The following ZDHHC21 variants were observed in gnomAD, a reference collection of about 807,000 sequenced individuals.
The protein encoded by ZDHHC21 is zDHHC palmitoyltransferase 21.
Under a neutral mutation model 34.6 loss-of-function variants are expected in ZDHHC21, and 15 were observed. The ratio of observed to expected loss-of-function variants is 0.43; its 90% CI spans 0.29 to 0.67. The LOEUF is 0.67. Ranked by LOEUF, ZDHHC21 falls within the 30% of genes least tolerant of loss-of-function variation. The probability of loss-of-function intolerance (pLI) is 0.14; values close to 1 mark genes in which losing one functional copy is unlikely to be tolerated. For missense variants in ZDHHC21, 344 were observed against 327.7 expected (o/e 1.05, Z -0.38); for synonymous variants, 142 against 101.8 (o/e 1.40, Z -2.38).
chr9:14,626,352 G>A (rs1163690524), intron 8 of ZDHHC21, among the ~76,000 whole-genome samples: 1 of 151,866 alleles, frequency 6.6e-6, no homozygotes, highest in Non-Finnish European at 1.5e-5. Context: ...ATAATAAAAT[G>A]AATATCTAGG....
intron 7 of ZDHHC21, 137 bp from the exon 8 acceptor site, chr9:14,640,149 C>G (rs531541010): frequency 2.0e-6 from 1 of 489,416 alleles, no homozygotes; most frequent in East Asian, 2.9e-5. Flanking sequence ...TTTTATACTT[C>G]TATTGAAATC....
Position 14,613,643 on chromosome 9 carries a change from C to G in ZDHHC21, c.*5323G>C, listed in dbSNP as rs1272671503. ...TTGAACTGTTATAAGAACGACATTA[C>G]ATGTTACAGATATTCAAAATACCAA... On this transcript the variant is annotated 3_prime_UTR_variant, in exon 10 of 10. Coordinates refer to ENST00000380916, the MANE Select transcript of ZDHHC21 (RefSeq NM_178566.6). 1 of 151,790 alleles carries G rather than the reference C, an allele frequency of 6.6e-6. No individual in the cohort carries two copies. Among genetic ancestry groups the G allele is most frequent in the African/African-American group, 2.4e-5 (1 of 41,420 alleles). 9.4% of individuals were successfully genotyped at this position (151,790 alleles called of 1,614,324 possible).
Position 14,611,637 on chromosome 9 carries a change from C to T in ZDHHC21, c.*7329G>A, listed in dbSNP as rs902145270. 2.0e-5 allele frequency: 3 copies of T among 151,920 alleles called. No individual in the cohort carries two copies. Among genetic ancestry groups the T allele is most frequent in the African/African-American group, 7.3e-5 (3 of 41,378 alleles). The allele number at this position is 151,920 out of a possible 1,614,324, so 9.4% of individuals were successfully genotyped here. On this transcript the variant is annotated 3_prime_UTR_variant, in exon 10 of 10. Transcript: ENST00000380916. ...TACTAGACAGAACTTGGGGTTCACA[C>T]ATAATTTTAGGAGCCTCAAGAATAA...
chr9:14,664,143 C>G (rs201492106), intron 5 of ZDHHC21, among the ~76,000 whole-genome samples: 1 of 151,922 alleles, frequency 6.6e-6, no homozygotes, highest in Non-Finnish European at 1.5e-5. Context: ...CGCAGGCCAG[C>G]GGGTGCGCGC....
intron 7 of ZDHHC21, among the ~76,000 whole-genome samples, chr9:14,648,410 C>G (rs887429112): frequency 6.6e-6 from 1 of 151,964 alleles, no homozygotes; most frequent in African/African-American, 2.4e-5. Flanking sequence ...TTAATAAAGT[C>G]TCCAGTCCAA....
At chr9:14,664,843 T>C (rs1221818812) in intron 5 of ZDHHC21, among the ~76,000 whole-genome samples, 2 of 150,942 alleles carry the variant, frequency 1.3e-5, no homozygotes, top group Non-Finnish European at 3.0e-5. Flanking sequence ...CGAAAACCCA[T>C]CTGTACATCA....
At chr9:14,599,891 C>A in the ZDHHC21 span, among the ~76,000 whole-genome samples, 1 of 152,086 alleles carries the variant, frequency 6.6e-6, no homozygotes, top group Non-Finnish European at 1.5e-5. Context: ...ATAAACAGAA[C>A]CAATGACAGA....
intron 8 of ZDHHC21, among the ~76,000 whole-genome samples, chr9:14,620,287 T>C (rs912905425): frequency 2.0e-5 from 3 of 151,686 alleles, no homozygotes; most frequent in African/African-American, 7.3e-5. Flanking sequence ...AACACAAATA[T>C]GTAAAAAAAA....
the ZDHHC21 span, among the ~76,000 whole-genome samples, chr9:14,605,321 A>G: frequency 2.0e-5 from 3 of 152,034 alleles, no homozygotes; most frequent in Non-Finnish European, 4.4e-5. Context: ...CACCCCTAGT[A>G]ACAGTACATA....
At position 14,662,200 on chromosome 9, in the gene ZDHHC21, G is replaced by C. The variant is rs1833523199; in HGVS notation, c.365+15C>G. On this transcript the variant is annotated intron_variant, in intron 6 of 9. Transcript: ENST00000380916. ...CCCACCCCTCTTTTCTTTGCTAGAAGTGAATTATTCTTACCATGGACAGTG... is the reference window on the plus strand; with the variant it reads ...CCCACCCCTCTTTTCTTTGCTAGAACTGAATTATTCTTACCATGGACAGTG... 2 of 1,556,256 alleles carry C rather than the reference G, an allele frequency of 1.3e-6. No homozygotes were observed. Among genetic ancestry groups the C allele is most frequent in the South Asian group, 2.4e-5 (2 of 83,414 alleles).
At chr9:14,682,836 T>C (rs1193931841) in intron 2 of ZDHHC21, among the ~76,000 whole-genome samples, 1 of 152,120 alleles carries the variant, frequency 6.6e-6, no homozygotes, top group African/African-American at 2.4e-5. Context: ...CAACAAACTA[T>C]CTCTCAGACC....
chr9:14,685,749 G>A (rs1321813912), intron 2 of ZDHHC21, among the ~76,000 whole-genome samples: 1 of 152,182 alleles, frequency 6.6e-6, no homozygotes, highest in East Asian at 1.9e-4. Context: ...AAAGACACAT[G>A]CGCACGTATG....
At chr9:14,629,998 A>C (rs995247776) in intron 8 of ZDHHC21, among the ~76,000 whole-genome samples, 1 of 152,194 alleles carries the variant, frequency 6.6e-6, no homozygotes, top group Non-Finnish European at 1.5e-5. Flanking sequence ...GTGAGCCGAG[A>C]TCACGCCACT....
At chr9:14,624,684 G>T (rs948531006) in intron 8 of ZDHHC21, among the ~76,000 whole-genome samples, 3 of 151,948 alleles carry the variant, frequency 2.0e-5, no homozygotes, top group Non-Finnish European at 4.4e-5. Context: ...GATGGTCGAT[G>T]GGTACAAAGT....
chr9:14,611,050 G>C (rs1463221341), downstream of ZDHHC21: 2 of 151,820 alleles, frequency 1.3e-5, no homozygotes, highest in African/African-American at 2.4e-5. Flanking sequence ...AGTAAGAAAG[G>C]TAAGAGGATA....
At chr9:14,686,194 A>G (rs1356173197) in intron 2 of ZDHHC21, among the ~76,000 whole-genome samples, 1 of 152,166 alleles carries the variant, frequency 6.6e-6, no homozygotes, top group Non-Finnish European at 1.5e-5. Context: ...CCTAGAACTT[A>G]AAGTATAATT....
chr9:14,680,241 C>A (rs1837131024), intron 2 of ZDHHC21, 79 bp from the exon 3 acceptor site: 1 of 152,108 alleles, frequency 6.6e-6, no homozygotes, highest in African/African-American at 2.4e-5. Flanking sequence ...TGTGGAAATG[C>A]CAATGACAAA....
At chr9:14,629,622 T>C (rs1422533966) in intron 8 of ZDHHC21, among the ~76,000 whole-genome samples, 3 of 152,192 alleles carry the variant, frequency 2.0e-5, no homozygotes, top group African/African-American at 4.8e-5. Context: ...TTAAAAATTA[T>C]TTATTGATAA....
intron 8 of ZDHHC21, among the ~76,000 whole-genome samples, chr9:14,625,983 G>C (rs1409538535): frequency 1.3e-5 from 2 of 151,904 alleles, no homozygotes; most frequent in Non-Finnish European, 2.9e-5. Flanking sequence ...TAGTAACATA[G>C]AGAGGAAGCC....
Sources: allele counts gnomAD v4.1 joint callset (sites outside exome capture counted in the v4.1 genomes callset), GRCh38; gene constraint gnomAD v4.1.1; transcripts MANE v1.5; gene names NCBI Gene and HGNC (gene_info 2026-07-23, HGNC 2026-07-21).